The following B4GALNT3 variants were observed in gnomAD, a reference collection of about 807,000 sequenced individuals.
The protein encoded by B4GALNT3 is beta-1,4-N-acetylgalactosaminyltransferase 3.
Under a neutral mutation model 120.2 loss-of-function variants are expected in B4GALNT3, and 86 were observed. The observed-to-expected ratio is 0.72, with a 90% CI of 0.60 to 0.86. B4GALNT3 has a LOEUF of 0.86. Among genes scored for constraint, B4GALNT3 ranks in the 40% least tolerant of loss-of-function variants. B4GALNT3 has a pLI of 0.00. For missense variants in B4GALNT3, 1,167 were observed against 1,298.9 expected (o/e 0.90, Z 1.56); for synonymous variants, 518 against 510.4 (o/e 1.01, Z -0.20).
rs547212504 is a variant in B4GALNT3 at position 486,900 on chromosome 12, T to A, written c.169+26355T>A. ...GTGTTAGAGAGGCCAGACATTTTTT[T>A]AAACTATGATGATTAATATATTAAA... On this transcript the variant is annotated intron_variant, in intron 1 of 19. Transcript: ENST00000266383. Among the ~76,000 whole-genome samples the A allele has an allele frequency of 1.0e-3, 157 of 152,330 alleles. 1 individual carries two copies. The highest frequency in any genetic ancestry group is 3.7e-3 in the African/African-American group (153 of 41,578).
chr12:500,865 C>CCTTTTTTTTTTTTTTTTTTTTTTTTTT (rs2043817132), intron 1 of B4GALNT3, among the ~76,000 whole-genome samples: 3 of 61,814 alleles, frequency 4.9e-5, no homozygotes, highest in African/African-American at 2.2e-4. Context: ...GGCTCCACTG[C>CCTTTTTTTTTTTTTTTTTTTTTTTTTT]TTTTTTTTTT....
At chr12:522,613 C>T (rs1042353651) in intron 1 of B4GALNT3, among the ~76,000 whole-genome samples, 2 of 152,026 alleles carry the variant, frequency 1.3e-5, no homozygotes, top group African/African-American at 4.8e-5. Context: ...TTTGAATGTT[C>T]TTAATGCCAT....
intron 3 of B4GALNT3, among the ~76,000 whole-genome samples, chr12:540,728 TTTTTTTTCTTC>T (rs1362935428): frequency 4.6e-5 from 7 of 151,484 alleles, no homozygotes; most frequent in South Asian, 4.2e-4. Context: ...GCTTCAGAGG[TTTTTTTTCTTC>T]TTTTTTTCTT....
intron 1 of B4GALNT3, among the ~76,000 whole-genome samples, chr12:532,992 A>G (rs1404290129): frequency 6.6e-6 from 1 of 152,168 alleles, no homozygotes; most frequent in African/African-American, 2.4e-5. Context: ...TTTCGTGGGT[A>G]TTTCCCCACA....
chr12:542,656 C>G (rs1054385956), intron 3 of B4GALNT3, among the ~76,000 whole-genome samples: 5 of 152,224 alleles, frequency 3.3e-5, no homozygotes, highest in African/African-American at 1.2e-4. Context: ...GCCACCCACT[C>G]AGAGTGCTGG....
At chr12:557,492 C>G (rs1947171500) in intron 15 of B4GALNT3, 116 bp from the exon 16 acceptor site, 2 of 1,055,266 alleles carry the variant, frequency 1.9e-6, no homozygotes, top group East Asian at 4.9e-5. Flanking sequence ...GCACTGTCCC[C>G]TCAGCCGAGG....
At chr12:545,238 C>T (rs1376158292) in intron 5 of B4GALNT3, 131 bp from the exon 6 acceptor site, 1 of 1,464,674 alleles carries the variant, frequency 6.8e-7, no homozygotes, top group East Asian at 2.5e-5. Context: ...TAGAAACCCC[C>T]ACTTTACAGA....
intron 14 of B4GALNT3, among the ~76,000 whole-genome samples, chr12:554,517 G>A (rs566401331): frequency 3.5e-4 from 53 of 151,926 alleles, no homozygotes; most frequent in Admixed American, 1.4e-3. Context: ...CAGGCTGGGC[G>A]CGGTGGCTCA....
At chr12:505,916 C>T (rs1033286902) in intron 1 of B4GALNT3, among the ~76,000 whole-genome samples, 1 of 152,180 alleles carries the variant, frequency 6.6e-6, no homozygotes, top group Non-Finnish European at 1.5e-5. Context: ...GGAGAGTTGC[C>T]ATTTGCAACT....
At chr12:517,266 C>A (rs1946666152) in intron 1 of B4GALNT3, among the ~76,000 whole-genome samples, 1 of 152,058 alleles carries the variant, frequency 6.6e-6, no homozygotes. Flanking sequence ...GGTAAGCAAT[C>A]CAGTGTTTAA....
At chr12:560,085 C>G (rs1947210093) in intron 19 of B4GALNT3, among the ~76,000 whole-genome samples, 1 of 152,108 alleles carries the variant, frequency 6.6e-6, no homozygotes, top group Admixed American at 6.5e-5. Context: ...GGAGGCTGTT[C>G]CGTGTGAGGT....
In B4GALNT3 at chr12:461,954, A is replaced by G. The variant is rs75261405; in HGVS notation, c.169+1409A>G. On this transcript the variant is annotated intron_variant, in intron 1 of 19. Coordinates refer to ENST00000266383, the MANE Select transcript of B4GALNT3 (RefSeq NM_173593.4). Reference sequence around the variant, plus strand: ...AAGGTGTCTTTCAGTCTGGATACGAAGACTGATCTGCACGCAAGCGTTTCC... The same window carrying G: ...AAGGTGTCTTTCAGTCTGGATACGAGGACTGATCTGCACGCAAGCGTTTCC... Among the ~76,000 whole-genome samples the G allele has an allele frequency of 2.4e-3, 370 of 152,266 alleles. 6 individuals carry two copies. The East Asian group carries it at 0.045, about 19-fold the overall frequency.
intron 1 of B4GALNT3, among the ~76,000 whole-genome samples, chr12:464,556 C>T (rs576600858): frequency 6.6e-6 from 1 of 151,970 alleles, no homozygotes; most frequent in South Asian, 2.1e-4. Flanking sequence ...TTGCTTAACT[C>T]AGGAGGCAGA....
chr12:519,462 G>T (rs572456473), intron 1 of B4GALNT3, among the ~76,000 whole-genome samples: 2 of 152,112 alleles, frequency 1.3e-5, no homozygotes, highest in Non-Finnish European at 2.9e-5. Flanking sequence ...AATGAGAGTC[G>T]CACAGATCTG....
At chr12:506,737 C>CGGGAG (rs1946499985) in intron 1 of B4GALNT3, among the ~76,000 whole-genome samples, 1 of 152,046 alleles carries the variant, frequency 6.6e-6, no homozygotes, top group African/African-American at 2.4e-5. Context: ...CCCGGGTTCA[C>CGGGAG]GCCATTCTCC....
chr12:511,268 CACCTTCGACCTTCTTCCACCTTCG>C (rs1946548092), intron 1 of B4GALNT3, among the ~76,000 whole-genome samples: 1 of 147,814 alleles, frequency 6.8e-6, no homozygotes, highest in Non-Finnish European at 1.5e-5. Flanking sequence ...TTCCGCCTTC[CACCTTCGACCTTCTTCCACCTTCG>C]ACCTTCCACC....
At chr12:546,451 G>C (rs1204664415) in intron 6 of B4GALNT3, among the ~76,000 whole-genome samples, 195 bp from the exon 7 acceptor site, 1 of 152,058 alleles carries the variant, frequency 6.6e-6, no homozygotes, top group Non-Finnish European at 1.5e-5. Context: ...GGCAAGGCGG[G>C]CTGCCTCCTG....
chr12:465,595 C>CT (rs1434416689), intron 1 of B4GALNT3, among the ~76,000 whole-genome samples: 3 of 151,994 alleles, frequency 2.0e-5, no homozygotes, highest in Non-Finnish European at 2.9e-5. Flanking sequence ...AATAGGTGAC[C>CT]TTACCCATAT....
intron 1 of B4GALNT3, among the ~76,000 whole-genome samples, chr12:520,659 CTGAACTAA>C (rs1946700743): frequency 1.5e-5 from 1 of 66,606 alleles, no homozygotes; most frequent in Non-Finnish European, 3.0e-5. Context: ...CTAATAGTAT[CTGAACTAA>C]AGTAGGTATT....
Sources: gnomAD v4.1 joint callset for allele counts (sites outside exome capture counted in the v4.1 genomes callset) on GRCh38, gnomAD v4.1.1 for gene constraint, MANE v1.5 for transcripts, NCBI Gene and HGNC (gene_info 2026-07-23, HGNC 2026-07-21) for gene names.